Variants in BPIFC observed in about 807,000 individuals in gnomAD.
BPIFC encodes BPI fold containing family C, also known as BPI fold-containing family C protein.
BPIFC carries 60 observed loss-of-function variants against 57.6 expected under a neutral mutation model. The ratio of observed to expected loss-of-function variants is 1.04; its 90% confidence interval spans 0.85 to 1.29. The LOEUF (loss-of-function observed/expected upper bound fraction) is 1.29, where lower values mean the gene tolerates loss of function less well. Ranked by LOEUF, BPIFC falls within the 50% of genes most tolerant of loss-of-function variation. The pLI is 0.00. For synonymous variants in BPIFC, 243 were observed against 224.5 expected, an observed-to-expected ratio of 1.08 and a Z score of -0.74; for missense variants, 581 against 600.5, an observed-to-expected ratio of 0.97 and a Z score of 0.34.
At chr22:32,451,321 C>G (rs1934889654) in intron 4 of BPIFC, among the ~76,000 whole-genome samples, 1 of 152,126 alleles carries the variant, frequency 6.6e-6, no homozygotes, top group Non-Finnish European at 1.5e-5. Context: ...GTGAGTAGTG[C>G]CACGATAAAC....
At chr22:32,426,744 C>A (rs1016979917) in intron 13 of BPIFC, among the ~76,000 whole-genome samples, 4 of 151,804 alleles carry the variant, frequency 2.6e-5, no homozygotes, top group African/African-American at 7.3e-5. Context: ...ATACAAAAAT[C>A]AGCCATGTGT....
At chr22:32,427,187 C>A (rs376550093) in intron 13 of BPIFC, among the ~76,000 whole-genome samples, 1 of 152,106 alleles carries the variant, frequency 6.6e-6, no homozygotes, top group Non-Finnish European at 1.5e-5. Flanking sequence ...GTAAATTTAT[C>A]GGCTTAAAAC....
intron 3 of BPIFC, among the ~76,000 whole-genome samples, chr22:32,455,907 C>A (rs1367776146): frequency 6.6e-6 from 1 of 152,240 alleles, no homozygotes; most frequent in African/African-American, 2.4e-5. Context: ...CTAGCCCATG[C>A]TATATTTCCT....
chr22:32,436,771 G>C (rs1483671390), intron 9 of BPIFC, among the ~76,000 whole-genome samples: 1 of 152,142 alleles, frequency 6.6e-6, no homozygotes, highest in African/African-American at 2.4e-5. Context: ...TGAGTACCTG[G>C]GGAATCATAG....
At chr22:32,449,738 C>CTTTTTTTT (rs368385141) in intron 4 of BPIFC, among the ~76,000 whole-genome samples, 1 of 146,966 alleles carries the variant, frequency 6.8e-6, no homozygotes, top group Non-Finnish European at 1.5e-5. Context: ...ATGTACTTCT[C>CTTTTTTTT]TTTTTTTCTT....
chr22:32,429,423 G>A (rs1934166780), intron 13 of BPIFC, among the ~76,000 whole-genome samples: 2 of 150,552 alleles, frequency 1.3e-5, no homozygotes, highest in Non-Finnish European at 2.9e-5. Flanking sequence ...AGCCAGGATG[G>A]TCTCGATCTC....
chr22:32,422,413 A>G (rs145968399), intron 13 of BPIFC, among the ~76,000 whole-genome samples: 1 of 152,156 alleles, frequency 6.6e-6, no homozygotes, highest in Non-Finnish European at 1.5e-5. Context: ...AGAGACTCTA[A>G]AAAGGGTGTG....
chr22:32,424,600 T>TCTTCTTCTTCTTCTTCTTCTTCTCCTC lies in BPIFC; in HGVS notation c.1218-5197_1218-5196insGAGGAGAAGAAGAAGAAGAAGAAGAAG, dbSNP rs1223346653. Among the ~76,000 whole-genome samples, 35 of 78,604 alleles carry TCTTCTTCTTCTTCTTCTTCTTCTCCTC rather than the reference T, an allele frequency of 4.5e-4. 9 individuals are homozygous for TCTTCTTCTTCTTCTTCTTCTTCTCCTC. Among genetic ancestry groups the TCTTCTTCTTCTTCTTCTTCTTCTCCTC allele is most frequent in the African/African-American group, 2.7e-3 (32 of 12,066 alleles). 51.6% of individuals were successfully genotyped at this position (78,604 alleles called of 152,430 possible). Reference sequence around the variant, plus strand: ...TTCTTCTTCTTCTTCTTCTTCTTCTTCTCCTCCTCCTCCTCCTCCTCCTCC... The same window carrying TCTTCTTCTTCTTCTTCTTCTTCTCCTC: ...TTCTTCTTCTTCTTCTTCTTCTTCTTCTTCTTCTTCTTCTTCTTCTTCTCCTCCTCCTCCTCCTCCTCCTCCTCCTCC... On this transcript the variant is annotated intron_variant, in intron 13 of 16. Coordinates refer to ENST00000300399, the MANE Select transcript of BPIFC (RefSeq NM_174932.3).
At chr22:32,453,938 AC>A (rs1222935976) in intron 3 of BPIFC, among the ~76,000 whole-genome samples, 23 of 124,410 alleles carry the variant, frequency 1.8e-4, no homozygotes, top group Non-Finnish European at 3.5e-4. Flanking sequence ...AACAACAACA[AC>A]AACAAAAAAA....
At chr22:32,457,783 C>T (rs1430284341) in intron 2 of BPIFC, among the ~76,000 whole-genome samples, 1 of 152,154 alleles carries the variant, frequency 6.6e-6, no homozygotes, top group Non-Finnish European at 1.5e-5. Context: ...GAAAACTTCC[C>T]TCACCAAGTC....
intron 1 of BPIFC, 53 bp from the exon 2 acceptor site, chr22:32,461,714 G>A: frequency 2.2e-6 from 2 of 917,352 alleles, no homozygotes; most frequent in Non-Finnish European, 2.6e-6. Context: ...GAACACTTCT[G>A]GGACTCAGGT....
chr22:32,422,262 G>A (rs1397841698), intron 13 of BPIFC, among the ~76,000 whole-genome samples: 1 of 152,204 alleles, frequency 6.6e-6, no homozygotes, highest in Non-Finnish European at 1.5e-5. Context: ...TCAGGAATGT[G>A]CGAGGCAATG....
At chr22:32,421,025 T>A (rs921183863) in intron 13 of BPIFC, among the ~76,000 whole-genome samples, 4 of 152,200 alleles carry the variant, frequency 2.6e-5, no homozygotes, top group African/African-American at 9.6e-5. Context: ...ATGTCCTTGA[T>A]GTTCTTTTTC....
At chr22:32,443,346 G>A (rs1934623998) in intron 7 of BPIFC, among the ~76,000 whole-genome samples, 1 of 152,034 alleles carries the variant, frequency 6.6e-6, no homozygotes, top group South Asian at 2.1e-4. Context: ...TGTATTTTTA[G>A]TAGAGACGGG....
At chr22:32,446,811 C>T in intron 5 of BPIFC, 1 of 985,366 alleles carries the variant, frequency 1.0e-6, no homozygotes, top group Non-Finnish European at 1.2e-6. Context: ...TACCATTCTT[C>T]AACCTCTGTG....
chr22:32,460,577 C>T (rs1358784643), intron 2 of BPIFC, among the ~76,000 whole-genome samples: 1 of 152,196 alleles, frequency 6.6e-6, no homozygotes, highest in Non-Finnish European at 1.5e-5. Flanking sequence ...CCAAACTGAA[C>T]TACTGGTCCC....
At chr22:32,463,787 T>C (rs886464629) in intron 1 of BPIFC, among the ~76,000 whole-genome samples, 10 of 152,192 alleles carry the variant, frequency 6.6e-5, no homozygotes, top group African/African-American at 2.4e-4. Flanking sequence ...TCCTCACATC[T>C]AGTTTTATAG....
In BPIFC at chr22:32,417,157, A is replaced by G; in HGVS notation, c.1261-9T>C. 6.3e-7 allele frequency: 1 copy of G among 1,596,430 alleles called. No individual in the cohort carries two copies. Among genetic ancestry groups the G allele is most frequent in the Non-Finnish European group, 8.6e-7 (1 of 1,164,444 alleles). ...TTTTCAAACCTCAAGACCTAAAATA[A>G]AAGAGGAAATAGAATCAATTGGCAG... On this transcript the variant is annotated splice_polypyrimidine_tract_variant and intron_variant, in intron 14 of 16. Transcript: ENST00000300399.
intron 13 of BPIFC, among the ~76,000 whole-genome samples, chr22:32,424,702 T>C (rs1292461499): frequency 1.1e-4 from 10 of 94,378 alleles, no homozygotes; most frequent in African/African-American, 4.4e-4. Context: ...CCTCTTCTTC[T>C]TCCTCTTCTT....
Sources: allele counts gnomAD v4.1 joint callset (sites outside exome capture counted in the v4.1 genomes callset), GRCh38; gene constraint gnomAD v4.1.1; transcripts MANE v1.5; gene names NCBI Gene and HGNC (gene_info 2026-07-23, HGNC 2026-07-21).